PDE4D: variants seen among roughly 807,000 people sequenced by gnomAD.
PDE4D encodes the protein 3',5'-cyclic-AMP phosphodiesterase 4D.
A neutral mutation model predicts 87.4 loss-of-function variants in PDE4D; 24 were observed. That is an observed-to-expected ratio of 0.27 (90% CI 0.20 to 0.39). PDE4D has a LOEUF of 0.39. Ranked by LOEUF, PDE4D falls within the 10% of genes least tolerant of loss-of-function variation. The pLI is 1.00. For missense variants in PDE4D, 714 were observed against 1,041.0 expected (o/e 0.69, Z 4.32); for synonymous variants, 384 against 383.2 (o/e 1.00, Z -0.02).
chr5:60,105,534 A>G (rs1776792625), intron 2 of PDE4D, among the ~76,000 whole-genome samples: 1 of 152,144 alleles, frequency 6.6e-6, no homozygotes, highest in African/African-American at 2.4e-5. Context: ...ACTCCTCAAG[A>G]AGCACACCTC....
At chr5:59,942,176 A>G (rs1274437116) in intron 3 of PDE4D, among the ~76,000 whole-genome samples, 5 of 152,174 alleles carry the variant, frequency 3.3e-5, no homozygotes, top group Non-Finnish European at 7.3e-5. Context: ...TTCATTTGCT[A>G]TTTGTCCTTA....
intron 2 of PDE4D, among the ~76,000 whole-genome samples, chr5:60,123,146 G>A (rs1025403060): frequency 2.0e-5 from 3 of 152,250 alleles, no homozygotes; most frequent in African/African-American, 7.2e-5. Context: ...CAAGTCTCTA[G>A]GAAGCTCCAT....
At chr5:59,004,135 T>TAAAA (rs139532588) in intron 6 of PDE4D, among the ~76,000 whole-genome samples, 49 of 151,262 alleles carry the variant, frequency 3.2e-4, no homozygotes, top group East Asian at 9.8e-4. Context: ...CTACATAGAT[T>TAAAA]TAAAAAAAAA....
chr5:60,428,564 C>T (rs1477676366), intron 1 of PDE4D, among the ~76,000 whole-genome samples: 2 of 152,112 alleles, frequency 1.3e-5, no homozygotes, highest in Non-Finnish European at 2.9e-5. Flanking sequence ...GACTATGCAA[C>T]AAAATGGCAT....
At chr5:60,356,103 T>C (rs1759595783) in intron 1 of PDE4D, among the ~76,000 whole-genome samples, 1 of 152,080 alleles carries the variant, frequency 6.6e-6, no homozygotes, top group East Asian at 1.9e-4. Flanking sequence ...TGAAAAAAAC[T>C]GCAGGGGGTC....
rs548769605 is a variant in PDE4D at position 60,520,589 on chromosome 5, T to C, written n.70+1462A>G. On this transcript the variant is annotated intron_variant and non_coding_transcript_variant, in intron 1 of 2. Transcript: ENST00000506510. ...CAGGATCTCACAGCAATATGGGTAGTGGCCCATGGCTTGTGGCCCCGGGCC... is the reference window on the plus strand; with the variant it reads ...CAGGATCTCACAGCAATATGGGTAGCGGCCCATGGCTTGTGGCCCCGGGCC... Among the ~76,000 whole-genome samples the C allele has an allele frequency of 6.6e-5, 10 of 152,352 alleles. No individual in the cohort carries two copies. In the East Asian group the frequency reaches 1.7e-3, roughly 27 times the overall value.
chr5:59,849,486 C>T (rs992044796), intron 1 of PDE4D, among the ~76,000 whole-genome samples: 1 of 152,010 alleles, frequency 6.6e-6, no homozygotes, highest in East Asian at 1.9e-4. Context: ...TTTATATCCA[C>T]AGGCTCCTAG....
chr5:59,554,143 A>C (rs894531193), intron 1 of PDE4D, among the ~76,000 whole-genome samples: 2 of 152,190 alleles, frequency 1.3e-5, no homozygotes, highest in Non-Finnish European at 2.9e-5. Context: ...CCATAGAGTT[A>C]GGAAGACACA....
chr5:60,449,071 G>GCA (rs35440197), intron 1 of PDE4D, among the ~76,000 whole-genome samples: 10,985 of 94,862 alleles, frequency 0.12, 1,294 homozygotes, highest in African/African-American at 0.33. Context: ...AACTGCCCGC[G>GCA]CACACACACA....
chr5:59,780,800 T>C (rs929107114), intron 1 of PDE4D, among the ~76,000 whole-genome samples: 4 of 152,104 alleles, frequency 2.6e-5, no homozygotes, highest in African/African-American at 9.7e-5. Flanking sequence ...AGGAGTATAG[T>C]TTTGATTAAG....
At chr5:59,031,392 TTA>T (rs138464552) in intron 6 of PDE4D, among the ~76,000 whole-genome samples, 761 of 34,066 alleles carry the variant, frequency 0.022, 5 homozygotes, top group Non-Finnish European at 0.033. Flanking sequence ...TATATATATA[TTA>T]TATATATATA....
chr5:59,959,223 A>G (rs1362665704), intron 3 of PDE4D, among the ~76,000 whole-genome samples: 1 of 152,156 alleles, frequency 6.6e-6, no homozygotes, highest in Non-Finnish European at 1.5e-5. Flanking sequence ...GACAACATAA[A>G]CAAATGGAAA....
intron 1 of PDE4D, among the ~76,000 whole-genome samples, chr5:59,589,599 T>G (rs1304664937): frequency 2.6e-5 from 4 of 152,206 alleles, no homozygotes; most frequent in African/African-American, 4.8e-5. Context: ...ATGAACATCA[T>G]TTATCTGACA....
intron 3 of PDE4D, among the ~76,000 whole-genome samples, chr5:59,921,559 A>G (rs1397956780): frequency 6.6e-6 from 1 of 152,166 alleles, no homozygotes; most frequent in Non-Finnish European, 1.5e-5. Context: ...TGTGATGTTG[A>G]TGATAGTCTC....
At chr5:59,064,019 A>T (rs886345989) in intron 5 of PDE4D, among the ~76,000 whole-genome samples, 15 of 152,078 alleles carry the variant, frequency 9.9e-5, no homozygotes, top group African/African-American at 3.6e-4. Flanking sequence ...ACCAGAATTC[A>T]AGAGTTTGAC....
At chr5:59,625,323 T>C (rs1830775277) in intron 1 of PDE4D, among the ~76,000 whole-genome samples, 1 of 152,164 alleles carries the variant, frequency 6.6e-6, no homozygotes, top group Non-Finnish European at 1.5e-5. Context: ...GAGGGATTTC[T>C]ATCCTATAAT....
At chr5:59,467,417 T>A (rs999797184) in intron 1 of PDE4D, among the ~76,000 whole-genome samples, 1 of 152,178 alleles carries the variant, frequency 6.6e-6, no homozygotes, top group Non-Finnish European at 1.5e-5. Context: ...CTCAATGAGA[T>A]AAGACTAGTA....
In PDE4D at chr5:60,198,408, TCATATTC is replaced by T. The variant is rs372158200; in HGVS notation, c.-89-12728_-89-12722del. ...GTGGAATATTAGGTTTTGGAATCAG[TCATATTC>T]CATATTCCAAAGAATTTGGAGTCAA... On this transcript the variant is annotated intron_variant, in intron 1 of 16. Coordinates refer to the PDE4D transcript ENST00000502484. 1.0e-3 allele frequency among the ~76,000 whole-genome samples: 153 copies of T among 151,670 alleles called. 1 individual carries two copies. Among genetic ancestry groups the T allele is most frequent in the African/African-American group, 2.9e-3 (120 of 41,494 alleles).
At chr5:59,677,885 A>G (rs1240340630) in intron 1 of PDE4D, among the ~76,000 whole-genome samples, 4 of 152,200 alleles carry the variant, frequency 2.6e-5, no homozygotes, top group Non-Finnish European at 5.9e-5. Context: ...GACACAGCCT[A>G]TCATATACTT....
Sources: allele counts gnomAD v4.1 joint callset (sites outside exome capture counted in the v4.1 genomes callset), GRCh38; gene constraint gnomAD v4.1.1; transcripts MANE v1.5; gene names NCBI Gene and HGNC (gene_info 2026-07-23, HGNC 2026-07-21).